LRP11: variants seen among roughly 807,000 people sequenced by gnomAD.
LRP11 encodes LDL receptor related protein 11, also known as low-density lipoprotein receptor-related protein 11.
A neutral mutation model predicts 43.1 loss-of-function variants in LRP11; 25 were observed. The ratio of observed to expected loss-of-function variants is 0.58; its 90% CI spans 0.42 to 0.81. The LOEUF (loss-of-function observed/expected upper bound fraction) is 0.81. Ranked by LOEUF, LRP11 falls within the 30% of genes least tolerant of loss-of-function variation. The probability of loss-of-function intolerance (pLI) is 0.00; values close to 1 mark genes in which losing one functional copy is unlikely to be tolerated. For missense variants in LRP11, 623 were observed against 665.1 expected, an observed-to-expected ratio of 0.94 and a Z score of 0.70; for synonymous variants, 316 against 299.4, an observed-to-expected ratio of 1.06 and a Z score of -0.57.
At chr6:149,843,266 A>C (rs1776579344) in intron 2 of LRP11, 142 bp from the exon 3 acceptor site, 5 of 842,028 alleles carry the variant, frequency 5.9e-6, no homozygotes, top group Non-Finnish European at 9.4e-6. Context: ...GAACTACATC[A>C]CACACTGTTG....
chr6:149,863,384 C>T (rs1040856050), intron 1 of LRP11, 24 bp downstream of exon 1: 2 of 1,332,618 alleles, frequency 1.5e-6, no homozygotes, highest in Non-Finnish European at 1.9e-6. Context: ...CTGGCCAAGG[C>T]CGGCCCCTCA....
chr6:149,843,230 C>T, intron 2 of LRP11, 106 bp from the exon 3 acceptor site: 1 of 1,255,482 alleles, frequency 8.0e-7, no homozygotes, highest in South Asian at 1.3e-5. Context: ...CCAGGACCTG[C>T]CTCTGCACTC....
In LRP11 at chr6:149,836,295, C is replaced by A. The variant is rs1776470894; in HGVS notation, c.1042G>T (p.Gly348Cys). 1 of 1,613,830 alleles carries A rather than the reference C, an allele frequency of 6.2e-7. No homozygotes were observed. Among genetic ancestry groups the A allele is most frequent in the Non-Finnish European group, 8.5e-7 (1 of 1,179,964 alleles). Reference protein sequence around the residue: ...GSDEDFCQNLGLDRKMVTHTA... With the variant: ...GSDEDFCQNLCLDRKMVTHTA... ...TGGGTTACCATCTTGCGGTCCAGGC[C>A]CACTGAAGTGTGGAAGAGCTACTGT... The change falls in exon 5 of 7, where the codon GGC becomes TGC. Residue 348 changes from glycine (G) to cysteine (C), a missense_variant and splice_region_variant. By Grantham distance (159) the Gly-to-Cys change is radical. Transcript: ENST00000239367.
At chr6:149,841,509 A>G (rs948629738) in intron 3 of LRP11, among the ~76,000 whole-genome samples, 6 of 152,232 alleles carry the variant, frequency 3.9e-5, no homozygotes, top group African/African-American at 1.4e-4. Context: ...CCAGAAGTGA[A>G]TTGTGTGTGT....
intron 1 of LRP11, among the ~76,000 whole-genome samples, chr6:149,853,601 G>A (rs1323674844): frequency 1.3e-5 from 2 of 152,288 alleles, no homozygotes; most frequent in Admixed American, 6.5e-5. Context: ...TCTCCCTCCC[G>A]GGTTCAAGCG....
At position 149,863,477 on chromosome 6, in the gene LRP11, T is replaced by C. The variant is rs1407034518; in HGVS notation, c.544A>G (p.Ser182Gly). The stretch of plus-strand genomic sequence containing the variant: ...GGCGCGCGGCTGAGGCTGTAGCTGC[T>C]GTAGCCGCTGTGCAGCGCGAACTTG... ...VCKFALHSGY[S>G]SYSLSRAPDG... The change falls in exon 1 of 7, where the codon AGC (serine) becomes GGC (glycine). Residue 182 changes from serine (S) to glycine (G), a missense_variant. Transcript: ENST00000239367. 3 of 1,346,182 alleles carry C rather than the reference T, an allele frequency of 2.2e-6. No individual in the cohort carries two copies. 83.4% of individuals were successfully genotyped at this position (1,346,182 alleles called of 1,614,324 possible).
At position 149,863,486 on chromosome 6, in the gene LRP11, T is replaced by C. The variant is rs1583103657; in HGVS notation, c.535A>G (p.Ser179Gly). The C allele has an allele frequency of 1.5e-6, 2 of 1,342,950 alleles. No individual in the cohort carries two copies. The highest frequency in any genetic ancestry group is 1.9e-5 in the South Asian group (1 of 51,388). The allele number at this position is 1,342,950 out of a possible 1,614,324, so 83.2% of individuals were successfully genotyped here. A position where few individuals can be genotyped will look rare whatever the true frequency, so the allele number is the denominator to read the frequency against. Residue 179 changes from serine to glycine, a missense_variant, in exon 1 of 7, where the codon AGC (serine) becomes GGC (glycine). Ser to Gly is a moderately conservative substitution (Grantham distance 56, BLOSUM62 0). Coordinates refer to ENST00000239367, the MANE Select transcript of LRP11 (RefSeq NM_032832.6). Reference protein sequence around the residue: ...GRNVCKFALHSGYSSYSLSRA... With the variant: ...GRNVCKFALHGGYSSYSLSRA... Reference sequence around the variant, plus strand: ...CTGAGGCTGTAGCTGCTGTAGCCGCTGTGCAGCGCGAACTTGCAGACGTTG... The same window carrying C: ...CTGAGGCTGTAGCTGCTGTAGCCGCCGTGCAGCGCGAACTTGCAGACGTTG...
chr6:149,835,948 C>A (rs1776465351), intron 5 of LRP11, 137 bp downstream of exon 5: 3 of 786,384 alleles, frequency 3.8e-6, no homozygotes, highest in Non-Finnish European at 6.1e-6. Context: ...TTCCCCCCGC[C>A]TTTCTGGCCA....
At chr6:149,837,151 A>C (rs1776483978) in intron 4 of LRP11, among the ~76,000 whole-genome samples, 187 bp downstream of exon 4, 1 of 152,208 alleles carries the variant, frequency 6.6e-6, no homozygotes, top group South Asian at 2.1e-4. Context: ...AATACTAAAA[A>C]TTTGACATTT....
chr6:149,842,729 C>T (rs762646268), intron 3 of LRP11: 253 of 1,527,584 alleles, frequency 1.7e-4, no homozygotes, highest in Non-Finnish European at 2.1e-4. Flanking sequence ...TTGATGAAGT[C>T]GAGTCAAGAG....
At chr6:149,823,456 C>T (rs1031379907) in intron 6 of LRP11, among the ~76,000 whole-genome samples, 1 of 152,144 alleles carries the variant, frequency 6.6e-6, no homozygotes, top group Non-Finnish European at 1.5e-5. Context: ...AAAGAGGCGA[C>T]ACCTCTTCCT....
At chr6:149,842,541 G>A (rs902644595) in intron 3 of LRP11, 34 of 1,075,828 alleles carry the variant, frequency 3.2e-5, no homozygotes, top group African/African-American at 2.5e-4. Context: ...TTTGACCAGC[G>A]TCTCTCCTTT....
At chr6:149,849,535 T>C (rs1019412633) in intron 2 of LRP11, among the ~76,000 whole-genome samples, 5 of 152,122 alleles carry the variant, frequency 3.3e-5, no homozygotes, top group African/African-American at 1.2e-4. Context: ...GGAGGGAGGA[T>C]TGCTTGAGCC....
At chr6:149,842,551 T>C (rs1291222736) in intron 3 of LRP11, 17 of 1,219,382 alleles carry the variant, frequency 1.4e-5, no homozygotes, top group Non-Finnish European at 1.9e-5. Flanking sequence ...GTCTCTCCTT[T>C]CCCAGTCCGT....
chr6:149,859,396 A>ATATATATTTTTTTTTTTT, intron 1 of LRP11, among the ~76,000 whole-genome samples: 5 of 71,496 alleles, frequency 7.0e-5, no homozygotes, highest in African/African-American at 4.1e-4. Context: ...ATATATATAT[A>ATATATATTTTTTTTTTTT]TTTTTTTTTT....
chr6:149,829,590 A>G (rs1776383347), intron 5 of LRP11, among the ~76,000 whole-genome samples: 1 of 151,788 alleles, frequency 6.6e-6, no homozygotes, highest in Non-Finnish European at 1.5e-5. Context: ...ATAAAATAAA[A>G]ATAAAAATAA....
intron 2 of LRP11, among the ~76,000 whole-genome samples, chr6:149,847,461 A>G (rs541485604): frequency 5.8e-4 from 89 of 152,328 alleles, no homozygotes; most frequent in African/African-American, 2.0e-3. Flanking sequence ...TAGAACTGTC[A>G]CACGGATGCT....
At chr6:149,853,288 A>T in intron 1 of LRP11, 128 bp from the exon 2 acceptor site, 1 of 719,576 alleles carries the variant, frequency 1.4e-6, no homozygotes, top group Non-Finnish European at 2.1e-6. Context: ...ATTAAATGGA[A>T]ATTATTTTTC....
chr6:149,842,693 C>T (rs1287508310), intron 3 of LRP11: 7 of 1,550,674 alleles, frequency 4.5e-6, no homozygotes, highest in Admixed American at 2.0e-5. Context: ...ACAAAGTCCT[C>T]TCCCAGAATA....
Sources: gnomAD v4.1 joint callset for allele counts (sites outside exome capture counted in the v4.1 genomes callset) on GRCh38, gnomAD v4.1.1 for gene constraint, MANE v1.5 for transcripts, NCBI Gene and HGNC (gene_info 2026-07-23, HGNC 2026-07-21) for gene names.